The following PCDHGB3 variants were observed in gnomAD, a reference collection of about 807,000 sequenced individuals.
The protein encoded by PCDHGB3 is protocadherin gamma-B3.
In PCDHGB3, 40 loss-of-function variants were observed where a neutral mutation model predicts 59.2. The observed-to-expected ratio is 0.68, with a 90% CI of 0.52 to 0.88. The LOEUF (loss-of-function observed/expected upper bound fraction) is 0.88. Ranked by LOEUF, PCDHGB3 falls within the 40% of genes least tolerant of loss-of-function variation. The pLI is 0.00. For synonymous variants in PCDHGB3, 581 were observed against 503.6 expected (o/e 1.15, Z -2.06); for missense variants, 1,309 against 1,187.9 (o/e 1.10, Z -1.50).
At chr5:141,478,936 G>A in intron 1 of PCDHGB3, 1 of 633,220 alleles carries the variant, frequency 1.6e-6, no homozygotes, top group African/African-American at 1.9e-5. Context: ...GCAGCTTCTA[G>A]GAATACAAAA....
In PCDHGB3 at chr5:141,485,251, C is replaced by T. The variant is rs748522322; in HGVS notation, c.2416-9556C>T. 7 of 1,614,092 alleles carry T rather than the reference C, an allele frequency of 4.3e-6. No individual in the cohort carries two copies. In the South Asian group the frequency reaches 6.6e-5, roughly 15 times the overall value. On this transcript the variant is annotated intron_variant, in intron 1 of 3. Transcript: ENST00000576222. This position sits in a 1 kb window ranked among gnomAD's most constrained non-coding sequence, Gnocchi z 5.7. The stretch of plus-strand genomic sequence containing the variant: ...TGTTCCTCTTTTACCACCTGGGTTA[C>T]GTTTGTGGGCAGATCCGCTACCCGG...
chr5:141,393,572 G>A, intron 1 of PCDHGB3: 1 of 1,613,908 alleles, frequency 6.2e-7, no homozygotes, highest in Non-Finnish European at 8.5e-7. Context: ...AAGTCCTTGA[G>A]AACATGCCCC....
chr5:141,509,081 A>C (rs1279221589), intron 3 of PCDHGB3, among the ~76,000 whole-genome samples: 2 of 152,160 alleles, frequency 1.3e-5, no homozygotes, highest in Non-Finnish European at 2.9e-5. Flanking sequence ...GATTTGCGAC[A>C]TGAAATGGGG....
At chr5:141,419,620 G>C in intron 1 of PCDHGB3, 1 of 1,612,304 alleles carries the variant, frequency 6.2e-7, no homozygotes, top group Non-Finnish European at 8.5e-7. Context: ...CAGGCTACCT[G>C]GTGACCAAGG....
In PCDHGB3 at chr5:141,505,352, C is replaced by T. The variant is rs371829394; in HGVS notation, c.2475-41C>T. 1.5e-5 allele frequency: 25 copies of T among 1,613,302 alleles called. No individual in the cohort carries two copies. In the South Asian group the frequency reaches 2.7e-4, roughly 18 times the overall value. ...AGGACAGGAGGGGCATGAGCTGTGCCGGCCTGGGAGTCTGTGCTCACCATC... is the reference window on the plus strand; with the variant it reads ...AGGACAGGAGGGGCATGAGCTGTGCTGGCCTGGGAGTCTGTGCTCACCATC... On this transcript the variant is annotated intron_variant, in intron 2 of 3. Transcript: ENST00000576222.
intron 1 of PCDHGB3, chr5:141,427,787 C>A (rs2097070880): frequency 6.8e-7 from 1 of 1,478,064 alleles, no homozygotes; most frequent in Non-Finnish European, 9.4e-7. Context: ...CACTGTCGTC[C>A]TACGTGTCCG....
intron 1 of PCDHGB3, among the ~76,000 whole-genome samples, chr5:141,444,058 C>A (rs2154560450): frequency 6.8e-6 from 1 of 147,774 alleles, no homozygotes; most frequent in East Asian, 2.0e-4. Context: ...CATCTTCAAT[C>A]TAGATTCTGA....
rs990493129 is a variant in PCDHGB3 at position 141,449,560 on chromosome 5, G to C, written c.2416-45247G>C. On this transcript the variant is annotated intron_variant, in intron 1 of 3. Coordinates refer to ENST00000576222, the MANE Select transcript of PCDHGB3 (RefSeq NM_018924.5). ...GCCGAGATCGCACCACTGCACTCCA[G>C]CCTGGGCGACAGAGCAAGACTCTGT... Among the ~76,000 whole-genome samples, 4 of 145,056 alleles carry C rather than the reference G, an allele frequency of 2.8e-5. No homozygotes were observed. The Admixed American group carries it at 2.8e-4, about 10-fold the overall frequency.
chr5:141,401,285 T>TGAGCC (rs2094137060), intron 1 of PCDHGB3, among the ~76,000 whole-genome samples: 1 of 151,918 alleles, frequency 6.6e-6, no homozygotes, highest in Non-Finnish European at 1.5e-5. Context: ...GAGGTTGCGG[T>TGAGCC]GAGCCGAGAT....
At chr5:141,418,278 T>C (rs2096243624) in intron 1 of PCDHGB3, 1 of 1,613,954 alleles carries the variant, frequency 6.2e-7, no homozygotes, top group East Asian at 2.2e-5. Context: ...GAAATAAACT[T>C]AGAAATCAGT....
intron 1 of PCDHGB3, among the ~76,000 whole-genome samples, chr5:141,465,130 AAG>A (rs1277023430): frequency 2.6e-5 from 4 of 151,968 alleles, no homozygotes; most frequent in Non-Finnish European, 5.9e-5. Flanking sequence ...AATTTGTAAA[AAG>A]TTTAGGGGAT....
At chr5:141,409,743 T>C in intron 1 of PCDHGB3, 2 of 1,613,048 alleles carry the variant, frequency 1.2e-6, no homozygotes, top group Non-Finnish European at 1.7e-6. Flanking sequence ...AGCGGGGTGG[T>C]GTTCGCGCAG....
intron 1 of PCDHGB3, among the ~76,000 whole-genome samples, chr5:141,448,422 T>C (rs1561930551): frequency 3.9e-5 from 6 of 152,150 alleles, no homozygotes; most frequent in Admixed American, 3.3e-4. Flanking sequence ...CAATATACTA[T>C]GTATATATTG....
At position 141,489,257 on chromosome 5, in the gene PCDHGB3, T is replaced by TC. The variant is rs773157586; in HGVS notation, c.2416-5547dup. The stretch of plus-strand genomic sequence containing the variant: ...TTCTGGGTCATGGGGCCCAAGACAC[T>TC]CCCACAGCTCGCTGGGAAATGGCAA... On this transcript the variant is annotated intron_variant, in intron 1 of 3. Coordinates refer to ENST00000576222, the MANE Select transcript of PCDHGB3 (RefSeq NM_018924.5). The surrounding 1 kb of genome is among the most constrained non-coding windows in gnomAD (Gnocchi z 4.5). 1 of 1,550,308 alleles carries TC rather than the reference T, an allele frequency of 6.5e-7. No homozygotes were observed. Among genetic ancestry groups the TC allele is most frequent in the Non-Finnish European group, 8.7e-7 (1 of 1,148,342 alleles).
intron 1 of PCDHGB3, chr5:141,413,659 A>G (rs2095663872): frequency 1.2e-6 from 2 of 1,613,830 alleles, no homozygotes; most frequent in African/African-American, 1.3e-5. Flanking sequence ...CCCGGAAGCT[A>G]TTGATCCGGA....
chr5:141,413,042 G>T, intron 1 of PCDHGB3: 1 of 857,566 alleles, frequency 1.2e-6, no homozygotes, highest in Non-Finnish European at 1.7e-6. Context: ...CTGCTGGGCT[G>T]CAGGGAAGCT....
At chr5:141,445,254 AAT>A (rs1214840265) in intron 1 of PCDHGB3, among the ~76,000 whole-genome samples, 49 of 152,350 alleles carry the variant, frequency 3.2e-4, no homozygotes, top group Non-Finnish European at 5.9e-5. Context: ...ATTGTGTGAG[AAT>A]ATAAGTCGAA....
rs2099718995 is a variant in PCDHGB3 at position 141,491,523 on chromosome 5, G to A, written c.2416-3284G>A. On this transcript the variant is annotated intron_variant, in intron 1 of 3. Transcript: ENST00000576222. This position sits in a 1 kb window ranked among gnomAD's most constrained non-coding sequence, Gnocchi z 6.9. ...CGGACGGCACGCTCAAGTACATGGAGGTGACGCTGCGGCCCACAGACTCGC... is the reference window on the plus strand; with the variant it reads ...CGGACGGCACGCTCAAGTACATGGAAGTGACGCTGCGGCCCACAGACTCGC... The A allele has an allele frequency of 3.1e-6, 5 of 1,613,954 alleles. No individual in the cohort carries two copies. The highest frequency in any genetic ancestry group is 3.4e-6 in the Non-Finnish European group (4 of 1,180,032).
At chr5:141,409,441 G>C (rs1432743588) in intron 1 of PCDHGB3, 1 of 1,613,884 alleles carries the variant, frequency 6.2e-7, no homozygotes, top group East Asian at 2.2e-5. Context: ...TGGACCGAGA[G>C]CAGACACCAG....
Sources: allele counts gnomAD v4.1 joint callset (sites outside exome capture counted in the v4.1 genomes callset), GRCh38; gene constraint gnomAD v4.1.1; non-coding constraint Gnocchi (gnomAD v3.1); transcripts MANE v1.5; gene names NCBI Gene and HGNC (gene_info 2026-07-23, HGNC 2026-07-21).